COL4A6: variants seen among roughly 807,000 people sequenced by gnomAD.
COL4A6 encodes the protein collagen alpha-6(IV) chain.
In COL4A6, 59 loss-of-function variants were observed where a neutral mutation model predicts 126.7. The observed-to-expected ratio is 0.47, with a 90% CI of 0.38 to 0.58. COL4A6 has a LOEUF of 0.58. COL4A6 is among the 20% of genes least tolerant of loss of function. The pLI is 0.00. For synonymous variants in COL4A6, 547 were observed against 496.6 expected, an observed-to-expected ratio of 1.10 and a Z score of -1.35; for missense variants, 1,285 against 1,337.3, an observed-to-expected ratio of 0.96 and a Z score of 0.61.
At position 108,246,919 on chromosome X, in the gene COL4A6, A is replaced by G. The variant is rs1602917532; in HGVS notation, c.145-25545T>C. ...TTTCCTGCTGAGTGATTAAAAAATG[A>G]CAAATATTCACTATACCTCATAAAG... On this transcript the variant is annotated intron_variant, in intron 3 of 44. Transcript: ENST00000334504. Among the ~76,000 whole-genome samples, 3 of 112,046 alleles carry G rather than the reference A, an allele frequency of 2.7e-5. No homozygotes were observed. The Admixed American group carries it at 2.8e-4, about 11-fold the overall frequency.
intron 4 of COL4A6, among the ~76,000 whole-genome samples, chrX:108,220,039 A>T (rs766653105): frequency 9.0e-6 from 1 of 111,076 alleles, no homozygotes. Flanking sequence ...AGAACCTTGA[A>T]TGACCTAATC....
chrX:108,237,774 A>G (rs1358743031), intron 3 of COL4A6, among the ~76,000 whole-genome samples: 2 of 110,948 alleles, frequency 1.8e-5, no homozygotes, highest in Non-Finnish European at 3.8e-5. Flanking sequence ...CCTCTCAGGT[A>G]TCTTCTTTAA....
chrX:108,278,464 C>A (rs1392456951), intron 3 of COL4A6, among the ~76,000 whole-genome samples: 2 of 111,159 alleles, frequency 1.8e-5, no homozygotes, highest in Non-Finnish European at 3.8e-5. Flanking sequence ...AAGAAACAAA[C>A]AAAGCCTCCA....
chrX:108,299,430 G>A lies in COL4A6; in HGVS notation c.144+11318C>T, dbSNP rs760944940. ...TTTTGTCTCTCTCTGGGGAAACCTGGCTCCTGAACCCTGGTTACCCCTTAT... is the reference window on the plus strand; with the variant it reads ...TTTTGTCTCTCTCTGGGGAAACCTGACTCCTGAACCCTGGTTACCCCTTAT... On this transcript the variant is annotated intron_variant, in intron 3 of 44. Coordinates refer to ENST00000334504, the MANE Select transcript of COL4A6 (RefSeq NM_033641.4). Among the ~76,000 whole-genome samples, 12 of 110,500 alleles carry A rather than the reference G, an allele frequency of 1.1e-4. No individual in the cohort carries two copies. The South Asian group carries it at 4.8e-3, about 44-fold the overall frequency.
intron 3 of COL4A6, among the ~76,000 whole-genome samples, chrX:108,231,549 A>G (rs1404205516): frequency 8.9e-6 from 1 of 112,116 alleles, no homozygotes; most frequent in African/African-American, 3.2e-5. Context: ...ATCTCATTTT[A>G]CAGATGAGGA....
At position 108,344,267 on chromosome X, in the gene COL4A6, G is replaced by A. The variant is rs368459728; in HGVS notation, c.64-33439C>T. 9.0e-5 allele frequency among the ~76,000 whole-genome samples: 10 copies of A among 110,985 alleles called. No homozygotes were observed. In the East Asian group the frequency reaches 2.0e-3, roughly 22 times the overall value. ...TTTTACTTCAAGGAAGCAAACCGAA[G>A]CTTTAAAAATCCCTTCATATGGTAA... On this transcript the variant is annotated intron_variant, in intron 2 of 44. Transcript: ENST00000334504.
intron 2 of COL4A6, among the ~76,000 whole-genome samples, chrX:108,367,021 T>A (rs1603172179): frequency 1.8e-5 from 2 of 112,219 alleles, no homozygotes; most frequent in Non-Finnish European, 3.8e-5. Flanking sequence ...TAGACTTAAT[T>A]TGAAGCTCTA....
At chrX:108,348,950 A>ATCACACCAGCTTGAGG (rs750161966) in intron 2 of COL4A6, among the ~76,000 whole-genome samples, 1 of 111,835 alleles carries the variant, frequency 8.9e-6, no homozygotes, top group East Asian at 2.8e-4. Flanking sequence ...CTAGAGTCAG[A>ATCACACCAGCTTGAGG]TCACACCAGC....
intron 2 of COL4A6, among the ~76,000 whole-genome samples, chrX:108,422,010 T>C (rs772491545): frequency 5.3e-5 from 6 of 112,412 alleles, no homozygotes; most frequent in Non-Finnish European, 7.5e-5. Context: ...ACATCTTTGT[T>C]TGAAGAATGC....
intron 41 of COL4A6, among the ~76,000 whole-genome samples, chrX:108,162,399 AAAG>A (rs199879518): frequency 0.044 from 4,726 of 108,232 alleles, 87 homozygotes; most frequent in Non-Finnish European, 0.066. Context: ...AGGAAGAAGA[AAAG>A]AAGAAGAAGA....
chrX:108,193,930 G>GA (rs1413528207), intron 16 of COL4A6, among the ~76,000 whole-genome samples: 6 of 112,718 alleles, frequency 5.3e-5, no homozygotes, highest in Non-Finnish European at 1.1e-4. Context: ...AAGGACAAGG[G>GA]ATCCCAATTT....
At position 108,156,976 on chromosome X, in the gene COL4A6, AG is replaced by A. The variant is rs765597147; in HGVS notation, c.*23del. Reference sequence around the variant, plus strand: ...CTGTTGTGAGGGGCAGGGGAGGGCAAGGGGCAGAGTGGCAGGTGCCACCCTA... The same window carrying A: ...CTGTTGTGAGGGGCAGGGGAGGGCAAGGGCAGAGTGGCAGGTGCCACCCTA... On this transcript the variant is annotated 3_prime_UTR_variant, in exon 45 of 45. Coordinates refer to ENST00000334504, the MANE Select transcript of COL4A6 (RefSeq NM_033641.4). 1.7e-6 allele frequency: 2 copies of A among 1,198,898 alleles called. No homozygotes were observed. The highest frequency in any genetic ancestry group is 2.3e-6 in the Non-Finnish European group (2 of 886,565).
At chrX:108,331,712 CTA>C (rs966000751) in intron 2 of COL4A6, among the ~76,000 whole-genome samples, 8 of 111,292 alleles carry the variant, frequency 7.2e-5, no homozygotes, top group African/African-American at 2.3e-4. Context: ...ACGTTGCTGT[CTA>C]AAGTCCAAAG....
chrX:108,361,219 G>A (rs780462808), intron 2 of COL4A6, among the ~76,000 whole-genome samples: 4 of 110,975 alleles, frequency 3.6e-5, no homozygotes, highest in South Asian at 3.8e-4. Flanking sequence ...CAGCTCTAAG[G>A]CCTTCATCCC....
chrX:108,356,742 A>C (rs1490867563), intron 2 of COL4A6, among the ~76,000 whole-genome samples: 1 of 112,185 alleles, frequency 8.9e-6, no homozygotes. Flanking sequence ...CTCCAAGAAA[A>C]AGTTTAATTA....
intron 3 of COL4A6, among the ~76,000 whole-genome samples, chrX:108,292,993 C>CAAAAAAAAAA (rs149076547): frequency 2.1e-4 from 3 of 14,553 alleles, no homozygotes; most frequent in Non-Finnish European, 3.6e-4. Flanking sequence ...AGGAAAAAAG[C>CAAAAAAAAAA]AAAAAAAAAA....
chrX:108,228,031 G>A (rs1054904178), intron 3 of COL4A6, among the ~76,000 whole-genome samples: 1 of 112,525 alleles, frequency 8.9e-6, no homozygotes, highest in East Asian at 2.8e-4. Flanking sequence ...TGGAGAAGTT[G>A]AAGGGCAGAA....
At chrX:108,384,654 T>C (rs2040642739) in intron 2 of COL4A6, among the ~76,000 whole-genome samples, 1 of 111,438 alleles carries the variant, frequency 9.0e-6, no homozygotes, top group African/African-American at 3.3e-5. Context: ...ATAATTGTTT[T>C]TGAAATATGG....
intron 2 of COL4A6, among the ~76,000 whole-genome samples, chrX:108,378,193 C>T (rs966839102): frequency 1.8e-5 from 2 of 110,858 alleles, no homozygotes; most frequent in African/African-American, 6.6e-5. Flanking sequence ...GACTCTACTC[C>T]CTTCATCTCC....
Sources: allele counts gnomAD v4.1 joint callset (sites outside exome capture counted in the v4.1 genomes callset), GRCh38; gene constraint gnomAD v4.1.1; transcripts MANE v1.5; gene names NCBI Gene and HGNC (gene_info 2026-07-23, HGNC 2026-07-21).